The following COL4A2 variants were observed in gnomAD, a reference collection of about 807,000 sequenced individuals.
COL4A2 encodes the protein collagen alpha-2(IV) chain.
Under a neutral mutation model 200.2 loss-of-function variants are expected in COL4A2, and 99 were observed. The ratio of observed to expected loss-of-function variants is 0.49; its 90% CI spans 0.42 to 0.58. The LOEUF (loss-of-function observed/expected upper bound fraction) is 0.58. COL4A2 is among the 20% of genes least tolerant of loss of function. The pLI is 0.00. For synonymous variants in COL4A2, 897 were observed against 900.6 expected, an observed-to-expected ratio of 1.00 and a Z score of 0.07; for missense variants, 1,950 against 2,314.1, an observed-to-expected ratio of 0.84 and a Z score of 3.23.
In COL4A2 at chr13:110,503,374, G is replaced by A; in HGVS notation, c.4040-9G>A. 2 of 1,593,594 alleles carry A rather than the reference G, an allele frequency of 1.3e-6. No individual in the cohort carries two copies. The highest frequency in any genetic ancestry group is 2.3e-5 in the East Asian group (1 of 44,372). On this transcript the variant is annotated splice_polypyrimidine_tract_variant and intron_variant, in intron 42 of 47. Transcript: ENST00000360467. ...CTTTCGTGTCCCTAACGTCTTGTTT[G>A]TGTTGCAGGGCCCAGGGGTGAACAA...
rs778938112 is a variant in COL4A2 at position 110,503,295 on chromosome 13, A to G, written c.4039+13A>G. On this transcript the variant is annotated intron_variant, in intron 42 of 47. Transcript: ENST00000360467. ...CCAGGAGAAAAAGGTAACAGTGCCCATGGCCATGGGCCAGCAGCCCTGGCC... is the reference window on the plus strand; with the variant it reads ...CCAGGAGAAAAAGGTAACAGTGCCCGTGGCCATGGGCCAGCAGCCCTGGCC... The G allele has an allele frequency of 1.4e-5, 22 of 1,599,386 alleles. No homozygotes were observed. The highest frequency in any genetic ancestry group is 1.8e-5 in the Admixed American group (1 of 55,920).
In COL4A2 at chr13:110,504,210, G is replaced by A. The variant is rs1234458228; in HGVS notation, c.4348G>A (p.Gly1450Ser). The change falls in exon 45 of 48, where the codon GGC becomes AGC. Residue 1450 changes from glycine to serine, a missense_variant. Gly to Ser is a moderately conservative substitution (Grantham distance 56, BLOSUM62 0). Coordinates refer to ENST00000360467, the MANE Select transcript of COL4A2 (RefSeq NM_001846.4). ...QGRGGVSAVP[G>S]FRGDEGPIGH... The stretch of plus-strand genomic sequence containing the variant: ...AAGAGGTGGTGTGTCTGCTGTTCCC[G>A]GCTTCCGGGGAGATGAAGGACCCAT... 8.1e-6 allele frequency: 13 copies of A among 1,614,016 alleles called. No homozygotes were observed. The highest frequency in any genetic ancestry group is 2.2e-5 in the East Asian group (1 of 44,888).
chr13:110,500,909 A>G (rs1478599864), intron 40 of COL4A2, among the ~76,000 whole-genome samples: 1 of 152,226 alleles, frequency 6.6e-6, no homozygotes, highest in East Asian at 1.9e-4. Flanking sequence ...CTTCAACACA[A>G]TACATGGGGG....
intron 4 of COL4A2, among the ~76,000 whole-genome samples, chr13:110,417,462 T>A (rs1184168139): frequency 6.6e-6 from 1 of 152,184 alleles, no homozygotes; most frequent in Non-Finnish European, 1.5e-5. Flanking sequence ...ACTCAGCTCC[T>A]CTTTTGTTTG....
At position 110,508,415 on chromosome 13, in the gene COL4A2, G is replaced by C; in HGVS notation, c.4881+194G>C. The stretch of plus-strand genomic sequence containing the variant: ...AACTGAGCCACATGCTGGGCACAGG[G>C]CTTCCTCCACCCAGAAAGGGCTCAT... On this transcript the variant is annotated intron_variant, in intron 47 of 47. Coordinates refer to ENST00000360467, the MANE Select transcript of COL4A2 (RefSeq NM_001846.4). This position sits in a 1 kb window ranked among gnomAD's most constrained non-coding sequence, Gnocchi z 6.1. The C allele has an allele frequency of 1.2e-6, 1 of 867,270 alleles. No homozygotes were observed. Among genetic ancestry groups the C allele is most frequent in the Non-Finnish European group, 1.7e-6 (1 of 579,006 alleles). The allele number at this position is 867,270 out of a possible 1,614,324, so 53.7% of individuals were successfully genotyped here.
intron 2 of COL4A2, 54 bp downstream of exon 2, chr13:110,308,001 TG>T (rs1206635283): frequency 6.2e-7 from 1 of 1,611,220 alleles, no homozygotes; most frequent in East Asian, 2.2e-5. Flanking sequence ...GACCCTTCGG[TG>T]TAACTCTCGG....
chr13:110,453,781 C>G (rs1027232096), intron 20 of COL4A2, among the ~76,000 whole-genome samples: 1 of 152,176 alleles, frequency 6.6e-6, no homozygotes, highest in Non-Finnish European at 1.5e-5. Context: ...CTTAAGTCCT[C>G]TAATTATATA....
chr13:110,484,550 G>A (rs1213089918), intron 32 of COL4A2, among the ~76,000 whole-genome samples: 4 of 152,146 alleles, frequency 2.6e-5, no homozygotes, highest in Non-Finnish European at 4.4e-5. Flanking sequence ...TTGTGACCGA[G>A]GTCCATCATG....
Position 110,503,136 on chromosome 13 carries a change from C to T in COL4A2, c.3893C>T (p.Pro1298Leu), listed in dbSNP as rs747765622. ...IFGLKGYRGP[P>L]GPPGSAALPG... is the part of the protein sequence containing the mutation. ...ATGCCAACAGGTTATCGGGGCCCACCAGGGCCACCAGGTTCTGCTGCTCTT... is the reference window on the plus strand; with the variant it reads ...ATGCCAACAGGTTATCGGGGCCCACTAGGGCCACCAGGTTCTGCTGCTCTT... Residue 1298 changes from proline to leucine, a missense_variant, in exon 42 of 48, where the codon CCA becomes CTA. Physicochemically the swap from Pro to Leu is moderately conservative, Grantham distance 98. Coordinates refer to ENST00000360467, the MANE Select transcript of COL4A2 (RefSeq NM_001846.4). 1.2e-6 allele frequency: 2 copies of T among 1,613,696 alleles called. No individual in the cohort carries two copies. The highest frequency in any genetic ancestry group is 8.5e-7 in the Non-Finnish European group (1 of 1,179,924).
At chr13:110,311,831 C>T (rs952633138) in intron 3 of COL4A2, among the ~76,000 whole-genome samples, 3 of 152,212 alleles carry the variant, frequency 2.0e-5, no homozygotes, top group Non-Finnish European at 4.4e-5. Context: ...CGTGGGTTCA[C>T]GTAGGCATCA....
At chr13:110,352,096 C>CATG (rs552792009) in intron 3 of COL4A2, among the ~76,000 whole-genome samples, 69 of 152,112 alleles carry the variant, frequency 4.5e-4, no homozygotes, top group African/African-American at 1.5e-3. Context: ...TGATAATGAT[C>CATG]ATGATGATGA....
At chr13:110,438,732 T>C (rs1165170441) in intron 15 of COL4A2, 64 bp downstream of exon 15, 5 of 1,602,800 alleles carry the variant, frequency 3.1e-6, no homozygotes, top group South Asian at 1.1e-5. Flanking sequence ...TAGGCTTTCC[T>C]TTTTAGAGCT....
At chr13:110,455,564 A>C (rs953179730) in intron 20 of COL4A2, among the ~76,000 whole-genome samples, 4 of 152,128 alleles carry the variant, frequency 2.6e-5, no homozygotes, top group Non-Finnish European at 5.9e-5. Flanking sequence ...TCCACGTCTA[A>C]GCTGTAAGCT....
intron 14 of COL4A2, 69 bp downstream of exon 14, chr13:110,438,106 C>T (rs1255753501): frequency 1.2e-5 from 16 of 1,348,718 alleles, no homozygotes; most frequent in Admixed American, 9.1e-5. Flanking sequence ...CCAGGCATGA[C>T]GGGGTGCACC....
At position 110,506,397 on chromosome 13, in the gene COL4A2, CTCTT is replaced by C; in HGVS notation, c.4403-14_4403-11del. 1 of 1,602,274 alleles carries C rather than the reference CTCTT, an allele frequency of 6.2e-7. No individual in the cohort carries two copies. Among genetic ancestry groups the C allele is most frequent in the Non-Finnish European group, 8.5e-7 (1 of 1,175,384 alleles). On this transcript the variant is annotated splice_polypyrimidine_tract_variant and intron_variant, in intron 45 of 47. Transcript: ENST00000360467. ...AGGTGCACCAGGCCGTCCACTCTCT[CTCTT>C]TCTCGGGCTGCAGGTGCACCAGGCC...
At position 110,497,445 on chromosome 13, in the gene COL4A2, A is replaced by G. The variant is rs888083895; in HGVS notation, c.3760+1978A>G. ...TCCACCAGCACAACCTCCACTCAGGACTGAGGATCTAGGTCAGTCCACCAG... is the reference window on the plus strand; with the variant it reads ...TCCACCAGCACAACCTCCACTCAGGGCTGAGGATCTAGGTCAGTCCACCAG... On this transcript the variant is annotated intron_variant, in intron 40 of 47. Transcript: ENST00000360467. 1.1e-4 allele frequency among the ~76,000 whole-genome samples: 16 copies of G among 139,704 alleles called. No homozygotes were observed. In the East Asian group the frequency reaches 1.4e-3, roughly 13 times the overall value. 91.7% of individuals were successfully genotyped at this position (139,704 alleles called of 152,430 possible).
intron 20 of COL4A2, among the ~76,000 whole-genome samples, chr13:110,455,856 G>A (rs930785152): frequency 3.3e-5 from 5 of 152,254 alleles, no homozygotes; most frequent in Middle Eastern, 3.4e-3. Context: ...TGTGTGTAAC[G>A]GCCTCATCCC....
chr13:110,501,777 C>G lies in COL4A2; in HGVS notation c.3870C>G (p.Gly1290=). 3 of 1,613,336 alleles carry G rather than the reference C, an allele frequency of 1.9e-6. No homozygotes were observed. Among genetic ancestry groups the G allele is most frequent in the Non-Finnish European group, 2.5e-6 (3 of 1,179,550 alleles). ...ACAAAGGGGCGCCAGGGATATTTGGCCTGAAAGGTAAGCAGGACTTATACA... is the reference window on the plus strand; with the variant it reads ...ACAAAGGGGCGCCAGGGATATTTGGGCTGAAAGGTAAGCAGGACTTATACA... ...PGDKGAPGIF[G]LKGYRGPPGP... Residue 1290 remains glycine (G), a synonymous_variant, in exon 41 of 48, where the codon GGC becomes GGG. Transcript: ENST00000360467.
At chr13:110,436,197 GTTGTAT>G in intron 12 of COL4A2, 66 bp from the exon 13 acceptor site, 1 of 1,608,290 alleles carries the variant, frequency 6.2e-7, no homozygotes, top group South Asian at 1.1e-5. Context: ...TTTTGGCCAG[GTTGTAT>G]TTGTATTCGA....
Sources: allele counts gnomAD v4.1 joint callset (sites outside exome capture counted in the v4.1 genomes callset), GRCh38; gene constraint gnomAD v4.1.1; non-coding constraint Gnocchi (gnomAD v3.1); transcripts MANE v1.5; gene names NCBI Gene and HGNC (gene_info 2026-07-23, HGNC 2026-07-21).